ANK2: variants seen among roughly 807,000 people sequenced by gnomAD.
ANK2 encodes the protein ankyrin 2.
ANK2 carries 83 observed loss-of-function variants against 360.5 expected under a neutral mutation model. That is an observed-to-expected ratio of 0.23 (90% CI 0.19 to 0.28). ANK2 has a LOEUF of 0.28. ANK2 is among the 10% of genes least tolerant of loss of function. The pLI is 1.00. For synonymous variants in ANK2, 1,740 were observed against 1,759.5 expected, an observed-to-expected ratio of 0.99 and a Z score of 0.28; for missense variants, 4,201 against 4,795.7, an observed-to-expected ratio of 0.88 and a Z score of 3.66.
chr4:112,828,512 C>T (rs143707471), intron 1 of ANK2, among the ~76,000 whole-genome samples: 2,640 of 152,172 alleles, frequency 0.017, 89 homozygotes, highest in African/African-American at 0.058. Flanking sequence ...GGATTACAGG[C>T]GTGAGCCACC....
At chr4:112,867,395 T>C (rs2071034149) in intron 1 of ANK2, among the ~76,000 whole-genome samples, 1 of 146,464 alleles carries the variant, frequency 6.8e-6, no homozygotes, top group Admixed American at 6.6e-5. Flanking sequence ...TAGGTTTTGT[T>C]TTTTTTAAAT....
the ANK2 span, among the ~76,000 whole-genome samples, chr4:112,716,793 T>C: frequency 6.6e-6 from 1 of 152,206 alleles, no homozygotes; most frequent in African/African-American, 2.4e-5. Context: ...TATACAAGAA[T>C]GTGGTAATAA....
the ANK2 span, among the ~76,000 whole-genome samples, chr4:112,732,650 T>A: frequency 6.6e-6 from 1 of 152,252 alleles, no homozygotes; most frequent in East Asian, 1.9e-4. Context: ...TACAGTGTTT[T>A]CTACAAAACA....
At chr4:112,810,930 CTTT>C in the ANK2 span, among the ~76,000 whole-genome samples, 1 of 137,054 alleles carries the variant, frequency 7.3e-6, no homozygotes. Context: ...TTCTTTCTTT[CTTT>C]TTTTTTTTTT....
chr4:112,839,897 G>A (rs1350987712), intron 1 of ANK2, among the ~76,000 whole-genome samples: 1 of 152,112 alleles, frequency 6.6e-6, no homozygotes, highest in Non-Finnish European at 1.5e-5. Context: ...TTCCTTCAGG[G>A]AAAAACCTCT....
the ANK2 span, among the ~76,000 whole-genome samples, chr4:112,712,569 A>G: frequency 7.9e-5 from 12 of 151,300 alleles, no homozygotes; most frequent in South Asian, 1.3e-3. Context: ...CACCATGCCC[A>G]GCTAATTTTT....
chr4:112,721,663 GA>G, the ANK2 span, among the ~76,000 whole-genome samples: 2 of 151,564 alleles, frequency 1.3e-5, no homozygotes, highest in Non-Finnish European at 2.9e-5. Flanking sequence ...GAAAGTAAAG[GA>G]AATGATTCTA....
At chr4:113,158,510 AT>A (rs2097385482) in intron 1 of ANK2, among the ~76,000 whole-genome samples, 2 of 152,198 alleles carry the variant, frequency 1.3e-5, no homozygotes, top group Admixed American at 6.5e-5. Context: ...TGAAAAAAAA[AT>A]AAACCAAATC....
chr4:113,275,985 A>G (rs1232177049), intron 15 of ANK2, among the ~76,000 whole-genome samples: 2 of 125,480 alleles, frequency 1.6e-5, no homozygotes, highest in African/African-American at 6.3e-5. Context: ...TCTGTCGCCC[A>G]GGCTGGAGTA....
chr4:112,884,639 AG>A (rs1415788310), intron 1 of ANK2, among the ~76,000 whole-genome samples: 1 of 152,172 alleles, frequency 6.6e-6, no homozygotes, highest in Non-Finnish European at 1.5e-5. Context: ...CTAGCTCTCC[AG>A]CACTGCCTTT....
chr4:113,040,701 G>A (rs1195325026), intron 2 of ANK2, among the ~76,000 whole-genome samples: 2 of 151,998 alleles, frequency 1.3e-5, no homozygotes, highest in Non-Finnish European at 2.9e-5. Context: ...ATCATAGCAG[G>A]TAAGATATAA....
At chr4:113,077,431 A>C (rs1318888692) in intron 1 of ANK2, among the ~76,000 whole-genome samples, 1 of 152,072 alleles carries the variant, frequency 6.6e-6, no homozygotes, top group Non-Finnish European at 1.5e-5. Flanking sequence ...GACTTTTATA[A>C]TTAGGTAAAA....
chr4:112,920,623 A>C (rs2091222057), intron 2 of ANK2, among the ~76,000 whole-genome samples: 1 of 152,234 alleles, frequency 6.6e-6, no homozygotes, highest in African/African-American at 2.4e-5. Context: ...TTAATATTTT[A>C]AATTCTCTTG....
At chr4:112,953,399 A>C (rs1486069022) in intron 2 of ANK2, among the ~76,000 whole-genome samples, 1 of 152,264 alleles carries the variant, frequency 6.6e-6, no homozygotes, top group Non-Finnish European at 1.5e-5. Flanking sequence ...GCTTCTGTGC[A>C]AGATGCACAG....
rs139797180 is a variant in ANK2, at chr4:113,369,719, C to A, written c.11524C>A (p.Arg3842=). ...PSEHREESSP[R]KTSLVIVESA... is the part of the protein sequence containing the mutation. ...AGAGCACAGAGAGGAGAGCTCTCCGCGGAAAACCAGCCTCGTAATAGTGGA... is the reference window on the plus strand; with the variant it reads ...AGAGCACAGAGAGGAGAGCTCTCCGAGGAAAACCAGCCTCGTAATAGTGGA... Residue 3842 remains arginine, a synonymous_variant, in exon 43 of 46, where the codon CGG becomes AGG. Transcript: ENST00000357077. 1 of 1,614,068 alleles carries A rather than the reference C, an allele frequency of 6.2e-7. No individual in the cohort carries two copies. The highest frequency in any genetic ancestry group is 1.1e-5 in the South Asian group (1 of 91,066).
chr4:113,150,772 A>G (rs181644606), intron 1 of ANK2, among the ~76,000 whole-genome samples: 123 of 152,328 alleles, frequency 8.1e-4, no homozygotes, highest in African/African-American at 2.9e-3. Flanking sequence ...AGCAATGGCT[A>G]TAATACCATT....
intron 1 of ANK2, among the ~76,000 whole-genome samples, chr4:113,147,913 A>G (rs2096896093): frequency 6.6e-6 from 1 of 152,242 alleles, no homozygotes; most frequent in Non-Finnish European, 1.5e-5. Flanking sequence ...AGTCCTGGTA[A>G]TGCTTCTAAA....
At position 113,311,153 on chromosome 4, in the gene ANK2, G is replaced by A. The variant is rs1381644567; in HGVS notation, c.2549-102G>A. The A allele has an allele frequency of 5.4e-6, 8 of 1,470,200 alleles. No homozygotes were observed. The African/African-American group carries it at 5.6e-5, about 10-fold the overall frequency. 91.1% of individuals were successfully genotyped at this position (1,470,200 alleles called of 1,614,324 possible). A position where few individuals can be genotyped will look rare whatever the true frequency, so the allele number is the denominator to read the frequency against. On this transcript the variant is annotated intron_variant, in intron 23 of 45. Coordinates refer to ENST00000357077, the MANE Select transcript of ANK2 (RefSeq NM_001148.6). ...CTAGTGTGCAGTGCAGTTTCATCAA[G>A]GTCAAGGTAATGATGTTGATGCATT...
chr4:113,294,954 A>G (rs1234598818), intron 22 of ANK2, among the ~76,000 whole-genome samples: 1 of 152,228 alleles, frequency 6.6e-6, no homozygotes, highest in East Asian at 1.9e-4. Context: ...CAAGGTGTAC[A>G]TCACAATACG....
Sources: gnomAD v4.1 joint callset for allele counts (sites outside exome capture counted in the v4.1 genomes callset) on GRCh38, gnomAD v4.1.1 for gene constraint, MANE v1.5 for transcripts, NCBI Gene and HGNC (gene_info 2026-07-23, HGNC 2026-07-21) for gene names.